GPM6B: variants seen among roughly 807,000 people sequenced by gnomAD.
GPM6B encodes glycoprotein M6B.
GPM6B carries 4 observed loss-of-function variants against 27.2 expected under a neutral mutation model. The observed-to-expected ratio is 0.15, with a 90% CI of 0.07 to 0.34. The LOEUF is 0.34. GPM6B is among the 10% of genes least tolerant of loss of function. The pLI, the probability that GPM6B is intolerant of heterozygous loss-of-function variation, is 1.00. For synonymous variants in GPM6B, 124 were observed against 103.1 expected, an observed-to-expected ratio of 1.20 and a Z score of -1.23; for missense variants, 183 against 261.9, an observed-to-expected ratio of 0.70 and a Z score of 2.08.
At chrX:13,886,025 G>A (rs2050131683) in intron 1 of GPM6B, among the ~76,000 whole-genome samples, 1 of 112,369 alleles carries the variant, frequency 8.9e-6, no homozygotes, top group East Asian at 2.8e-4. Flanking sequence ...GTATACGTAT[G>A]CTTTTGCGAT....
At chrX:13,915,941 ACT>A (rs971133231) in intron 1 of GPM6B, among the ~76,000 whole-genome samples, 11 of 111,273 alleles carry the variant, frequency 9.9e-5, no homozygotes, top group Admixed American at 3.8e-4. Context: ...CAAATTCAAA[ACT>A]CTCTCAAAGC....
Position 13,772,921 on chromosome X carries a change from A to C in GPM6B, c.947T>G (p.Ile316Ser). Residue 316 changes from isoleucine (I) to serine (S), a missense_variant, in exon 8 of 8, where the codon ATC becomes AGC. Physicochemically the swap from Ile to Ser is moderately radical, Grantham distance 142. Transcript: ENST00000316715. ...KAKEEQELQD[I>S]QSRSKEQLNS... ...GAGTTGTTCTTTTGACCGAGACTGG[A>C]TATCTTGCAGTTCCTGTTCTTCCTT... is the stretch of plus-strand genomic sequence containing the variant. 8.3e-7 allele frequency: 1 copy of C among 1,210,741 alleles called. No individual in the cohort carries two copies. The highest frequency in any genetic ancestry group is 1.1e-6 in the Non-Finnish European group (1 of 894,648).
chrX:13,788,066 G>A (rs1435677753), intron 2 of GPM6B, among the ~76,000 whole-genome samples: 1 of 111,934 alleles, frequency 8.9e-6, no homozygotes, highest in African/African-American at 3.3e-5. Flanking sequence ...AAGCCACATG[G>A]ACTAGTGGCT....
chrX:13,815,662 T>C (rs2049221192), intron 1 of GPM6B, among the ~76,000 whole-genome samples: 1 of 111,947 alleles, frequency 8.9e-6, no homozygotes, highest in African/African-American at 3.3e-5. Context: ...AAAAGTAAAA[T>C]TGCTCTGTTT....
chrX:13,873,306 T>C (rs1005590), intron 1 of GPM6B, among the ~76,000 whole-genome samples: 2,186 of 110,612 alleles, frequency 0.02, 56 homozygotes, highest in East Asian at 0.16. Flanking sequence ...GACTAAAGTA[T>C]AGATCTTCAG....
chrX:13,792,045 T>C (rs1185259802), intron 2 of GPM6B, among the ~76,000 whole-genome samples: 3 of 111,856 alleles, frequency 2.7e-5, no homozygotes, highest in African/African-American at 9.8e-5. Flanking sequence ...CTTTACAACT[T>C]TCAAGCAACA....
chrX:13,928,351 A>G (rs1363691236), intron 1 of GPM6B, among the ~76,000 whole-genome samples: 1 of 112,659 alleles, frequency 8.9e-6, no homozygotes, highest in Non-Finnish European at 1.9e-5. Context: ...AACAATTTTT[A>G]ATGAGTTTAC....
Position 13,793,988 on chromosome X carries a change from C to T in GPM6B, c.182-8180G>A, listed in dbSNP as rs531595866. ...CCTATTTTGTGACACATGAAAGGTA[C>T]ACAAAATTCAAATTTCTGTGTCTAT... is the stretch of plus-strand genomic sequence containing the variant. On this transcript the variant is annotated intron_variant, in intron 2 of 7. Coordinates refer to ENST00000316715, the MANE Select transcript of GPM6B (RefSeq NM_001001995.3). 7.2e-5 allele frequency among the ~76,000 whole-genome samples: 8 copies of T among 111,798 alleles called. No individual in the cohort carries two copies. In the South Asian group the frequency reaches 3.0e-3, roughly 42 times the overall value.
At chrX:13,837,966 C>T (rs2049525070) in intron 1 of GPM6B, among the ~76,000 whole-genome samples, 1 of 110,976 alleles carries the variant, frequency 9.0e-6, no homozygotes, top group Admixed American at 9.6e-5. Flanking sequence ...TAAACTCCTT[C>T]TCTCATCTTG....
intron 1 of GPM6B, among the ~76,000 whole-genome samples, chrX:13,811,459 C>G (rs992707228): frequency 8.9e-6 from 1 of 112,042 alleles, no homozygotes; most frequent in Admixed American, 9.4e-5. Context: ...TATTTGTTAT[C>G]TTTCATTTTT....
chrX:13,788,174 A>G (rs925913240), intron 2 of GPM6B, among the ~76,000 whole-genome samples: 2 of 111,759 alleles, frequency 1.8e-5, no homozygotes, highest in East Asian at 5.6e-4. Context: ...ATTTTCTATA[A>G]CCCAGGAGCT....
chrX:13,832,935 G>A (rs955570410), intron 1 of GPM6B, among the ~76,000 whole-genome samples: 1 of 112,046 alleles, frequency 8.9e-6, no homozygotes, highest in Non-Finnish European at 1.9e-5. Context: ...TCATAGCACA[G>A]AATCTGCAGA....
intron 6 of GPM6B, among the ~76,000 whole-genome samples, chrX:13,776,954 C>T (rs181310206): frequency 5.8e-4 from 65 of 111,620 alleles, no homozygotes; most frequent in Admixed American, 5.3e-3. Context: ...AATAGAGGGA[C>T]TCCTCTATGA....
intron 2 of GPM6B, among the ~76,000 whole-genome samples, chrX:13,806,377 T>C (rs1300737527): frequency 1.8e-5 from 2 of 112,312 alleles, no homozygotes; most frequent in African/African-American, 3.2e-5. Flanking sequence ...ATAGTAGCTA[T>C]TGTATGGATA....
intron 1 of GPM6B, among the ~76,000 whole-genome samples, chrX:13,816,358 C>T (rs894873567): frequency 3.6e-5 from 4 of 110,753 alleles, no homozygotes; most frequent in Non-Finnish European, 7.6e-5. Flanking sequence ...GTAGTCAGGG[C>T]CTGATACAAG....
chrX:13,879,723 A>T (rs1334743652), intron 1 of GPM6B, among the ~76,000 whole-genome samples: 2 of 112,171 alleles, frequency 1.8e-5, no homozygotes, highest in Non-Finnish European at 3.8e-5. Context: ...AGTGCTTTTT[A>T]CTCTGAGCAA....
chrX:13,792,980 G>C (rs1281064524), intron 2 of GPM6B, among the ~76,000 whole-genome samples: 2 of 108,479 alleles, frequency 1.8e-5, no homozygotes, highest in Non-Finnish European at 3.8e-5. Context: ...CTGCCAGGGG[G>C]ATTCCAAAGT....
chrX:13,846,021 A>G (rs745923725), intron 1 of GPM6B, among the ~76,000 whole-genome samples: 69 of 111,630 alleles, frequency 6.2e-4, no homozygotes, highest in African/African-American at 2.2e-3. Flanking sequence ...ACAAGTAAGG[A>G]CAGAAAAGAA....
At chrX:13,782,525 GT>G (rs796918459) in intron 4 of GPM6B, among the ~76,000 whole-genome samples, 2 of 108,664 alleles carry the variant, frequency 1.8e-5, no homozygotes, top group African/African-American at 6.7e-5. Flanking sequence ...GATGTTTTTG[GT>G]TTTTTTTTCC....
Sources: gnomAD v4.1 joint callset for allele counts (sites outside exome capture counted in the v4.1 genomes callset) on GRCh38, gnomAD v4.1.1 for gene constraint, MANE v1.5 for transcripts, NCBI Gene and HGNC (gene_info 2026-07-23, HGNC 2026-07-21) for gene names.